The following ZNF577 variants were observed in gnomAD, a reference collection of about 807,000 sequenced individuals.
ZNF577 encodes zinc finger protein 577.
In ZNF577, 14 loss-of-function variants were observed where a neutral mutation model predicts 13.9. The ratio of observed to expected loss-of-function variants is 1.00; its 90% confidence interval spans 0.66 to 1.57. The LOEUF (loss-of-function observed/expected upper bound fraction) is 1.57, where lower values mean the gene tolerates loss of function less well. Among genes scored for constraint, ZNF577 ranks in the 40% most tolerant of loss-of-function variants. The pLI is 0.00. For missense variants in ZNF577, 555 were observed against 579.2 expected (o/e 0.96, Z 0.43); for synonymous variants, 203 against 202.9 (o/e 1.00, Z 0.00).
At chr19:51,853,698 G>GA (rs1225386720) in intron 5 of ZNF577, among the ~76,000 whole-genome samples, 5 of 152,150 alleles carry the variant, frequency 3.3e-5, no homozygotes, top group African/African-American at 1.2e-4. Flanking sequence ...CCAGATTTGT[G>GA]AGCTTCTTGG....
rs79255213 is a variant in ZNF577 at position 51,867,338 on chromosome 19, T to C, written c.*5194A>G. 0.066 allele frequency among the ~76,000 whole-genome samples: 10,060 copies of C among 152,198 alleles called. 470 individuals are homozygous for C. The highest frequency in any genetic ancestry group is 0.099 in the Non-Finnish European group (6,742 of 67,986). ...AAAGGATATCATTTCTAAGGTATGA[T>C]CTAGATATTGTCTTTTCTGATTCTG... On this transcript the variant is annotated 3_prime_UTR_variant, in exon 6 of 6. Transcript: ENST00000638348.
At chr19:51,865,945 GCT>G (rs2084558047), downstream of ZNF577, among the ~76,000 whole-genome samples, 1 of 151,876 alleles carries the variant, frequency 6.6e-6, no homozygotes, top group Admixed American at 6.6e-5. Flanking sequence ...TAAAACCCCA[GCT>G]CTACTAAAAA....
In ZNF577 at chr19:51,887,539, T is replaced by G. The variant is rs146673635; in HGVS notation, c.-937A>C. 1.1e-4 allele frequency: 16 copies of G among 152,182 alleles called. No homozygotes were observed. Among genetic ancestry groups the G allele is most frequent in the African/African-American group, 3.9e-4 (16 of 41,486 alleles). 9.4% of individuals were successfully genotyped at this position (152,182 alleles called of 1,614,324 possible). ...CAGCAGACCCCTTTTTAAGTACGCATGTGATAAGCAATGAACACGAACTGC... is the reference window on the plus strand; with the variant it reads ...CAGCAGACCCCTTTTTAAGTACGCAGGTGATAAGCAATGAACACGAACTGC... On this transcript the variant is annotated 5_prime_UTR_variant, in exon 1 of 6. The change abolishes an upstream ATG in the 5' untranslated region. Coordinates refer to ENST00000638348, the MANE Select transcript of ZNF577 (RefSeq NM_001370449.1).
At chr19:51,883,850 A>G (rs1269955004) in intron 1 of ZNF577, among the ~76,000 whole-genome samples, 1 of 152,178 alleles carries the variant, frequency 6.6e-6, no homozygotes, top group Non-Finnish European at 1.5e-5. Context: ...ACATGGGCAG[A>G]TCACTTGAGG....
chr19:51,821,954 G>C (rs189045093), intron 9 of ZNF577, among the ~76,000 whole-genome samples: 1 of 152,226 alleles, frequency 6.6e-6, no homozygotes, highest in African/African-American at 2.4e-5. Flanking sequence ...TAATTTTCCT[G>C]GCCATAAAAA....
At chr19:51,846,989 T>C (rs7252250) in intron 5 of ZNF577, among the ~76,000 whole-genome samples, 14,162 of 152,154 alleles carry the variant, frequency 0.093, 774 homozygotes, top group Middle Eastern at 0.12. Flanking sequence ...TCAAAACCCA[T>C]CTGCAAGGTA....
chr19:51,858,419 AG>A (rs896200771), intron 5 of ZNF577, among the ~76,000 whole-genome samples: 8 of 152,232 alleles, frequency 5.3e-5, no homozygotes. Context: ...GGAGGTTGTC[AG>A]AACATATGAC....
intron 9 of ZNF577, chr19:51,817,761 T>C (rs1306617422): frequency 6.6e-6 from 1 of 152,212 alleles, no homozygotes; most frequent in Admixed American, 6.5e-5. Flanking sequence ...ATTTTGTCTT[T>C]TGACAAATCC....
chr19:51,831,205 T>C lies in ZNF577; in HGVS notation c.*599+8688A>G, dbSNP rs555746942. Among the ~76,000 whole-genome samples, 36 of 152,226 alleles carry C rather than the reference T, an allele frequency of 2.4e-4. 1 individual carries two copies. In the South Asian group the frequency reaches 7.1e-3, roughly 30 times the overall value. On this transcript the variant is annotated intron_variant and NMD_transcript_variant, in intron 9 of 10. Transcript: ENST00000638827. ...ATCTTCACTCACCGCAACCTCTGCC[T>C]CCAAGGTTCAAGCAATTATCCTGCT...
intron 5 of ZNF577, among the ~76,000 whole-genome samples, chr19:51,855,221 G>A (rs1380066760): frequency 6.6e-6 from 1 of 152,138 alleles, no homozygotes; most frequent in Non-Finnish European, 1.5e-5. Flanking sequence ...TGCGATTGTT[G>A]TTGCAGTTTG....
chr19:51,885,156 G>A (rs1347835378), intron 1 of ZNF577, among the ~76,000 whole-genome samples: 1 of 152,234 alleles, frequency 6.6e-6, no homozygotes, highest in East Asian at 1.9e-4. Context: ...CCTTTCAGGG[G>A]TTGGGACTAT....
chr19:51,810,810 A>G (rs1342014519), intron 10 of ZNF577, among the ~76,000 whole-genome samples: 1 of 152,060 alleles, frequency 6.6e-6, no homozygotes, highest in Non-Finnish European at 1.5e-5. Context: ...TCCTTCAACA[A>G]CTTACTCTAG....
At chr19:51,815,281 G>A (rs2084127047) in intron 9 of ZNF577, among the ~76,000 whole-genome samples, 1 of 152,014 alleles carries the variant, frequency 6.6e-6, no homozygotes, top group South Asian at 2.1e-4. Context: ...AAAAATGTTG[G>A]CTGGGTGCAG....
intron 5 of ZNF577, among the ~76,000 whole-genome samples, chr19:51,856,150 A>G (rs915647037): frequency 4.6e-5 from 7 of 152,332 alleles, no homozygotes; most frequent in Admixed American, 3.9e-4. Context: ...GGATACGCAG[A>G]GGCCTTGTCT....
intron 9 of ZNF577, among the ~76,000 whole-genome samples, chr19:51,829,456 C>T (rs1202370234): frequency 1.3e-5 from 2 of 152,146 alleles, no homozygotes; most frequent in South Asian, 2.1e-4. Flanking sequence ...TTCCTTTACA[C>T]TTCCTTGTTA....
chr19:51,856,082 C>T (rs1020886794), intron 5 of ZNF577: 2 of 152,052 alleles, frequency 1.3e-5, no homozygotes, highest in Non-Finnish European at 2.9e-5. Flanking sequence ...TATTGTAAGC[C>T]TTTGGTTATT....
At position 51,824,735 on chromosome 19, in the gene ZNF577, T is replaced by C. The variant is rs1599842836; in HGVS notation, c.*600-13061A>G. 2.5e-6 allele frequency: 4 copies of C among 1,613,980 alleles called. No individual in the cohort carries two copies. The highest frequency in any genetic ancestry group is 3.4e-6 in the Non-Finnish European group (4 of 1,179,998). ...TGGAGAGGGCCCTGACTGAGGTCCCTGACTCAGCCCAGACCAGCAACACAG... is the reference window on the plus strand; with the variant it reads ...TGGAGAGGGCCCTGACTGAGGTCCCCGACTCAGCCCAGACCAGCAACACAG... On this transcript the variant is annotated intron_variant and NMD_transcript_variant, in intron 9 of 10. Coordinates refer to the ZNF577 transcript ENST00000638827. This position sits in a 1 kb window ranked among gnomAD's most constrained non-coding sequence, Gnocchi z 4.7.
intron 9 of ZNF577, among the ~76,000 whole-genome samples, chr19:51,829,110 T>C (rs1395257125): frequency 6.6e-6 from 1 of 152,094 alleles, no homozygotes. Context: ...CTGGCCAGTA[T>C]GGTGAAACTC....
chr19:51,870,369 G>C lies in ZNF577; in HGVS notation c.*2163C>G, dbSNP rs2084639946. Among the ~76,000 whole-genome samples, 1 of 152,108 alleles carries C rather than the reference G, an allele frequency of 6.6e-6. No homozygotes were observed. The highest frequency in any genetic ancestry group is 1.5e-5 in the Non-Finnish European group (1 of 68,026). ...TTTATTAGTCTCTGTTTGGAAAATT[G>C]CTAACTTACTTGGAAAGTATGGCCT... On this transcript the variant is annotated 3_prime_UTR_variant, in exon 6 of 6. Coordinates refer to ENST00000638348, the MANE Select transcript of ZNF577 (RefSeq NM_001370449.1).
Sources: gnomAD v4.1 joint callset for allele counts (sites outside exome capture counted in the v4.1 genomes callset) on GRCh38, gnomAD v4.1.1 for gene constraint, Gnocchi (gnomAD v3.1) non-coding constraint, MANE v1.5 for transcripts, NCBI Gene and HGNC (gene_info 2026-07-23, HGNC 2026-07-21) for gene names.